HERC4: variants seen among roughly 807,000 people sequenced by gnomAD.
HERC4 encodes HECT and RLD domain containing E3 ubiquitin protein ligase 4.
HERC4 carries 28 observed loss-of-function variants against 124.3 expected under a neutral mutation model. That is an observed-to-expected ratio of 0.23 (90% CI 0.17 to 0.31). The LOEUF is 0.31. Among genes scored for constraint, HERC4 ranks in the 10% least tolerant of loss-of-function variants. The probability of loss-of-function intolerance (pLI) is 1.00; values close to 1 mark genes in which losing one functional copy is unlikely to be tolerated. For synonymous variants in HERC4, 407 were observed against 421.5 expected (o/e 0.97, Z 0.42); for missense variants, 713 against 1,229.3 (o/e 0.58, Z 6.28).
chr10:67,942,159 A>G (rs977742852), intron 19 of HERC4, among the ~76,000 whole-genome samples: 3 of 152,186 alleles, frequency 2.0e-5, no homozygotes, highest in Admixed American at 1.3e-4. Context: ...TTAAAGAATA[A>G]ATGTTTTAAA....
chr10:68,051,341 A>ATTT (rs34027809), intron 3 of HERC4, among the ~76,000 whole-genome samples: 33 of 129,970 alleles, frequency 2.5e-4, no homozygotes, highest in South Asian at 4.9e-4. Flanking sequence ...TGTTAACACT[A>ATTT]TTTTTTTTTT....
In HERC4 at chr10:68,059,684, A is replaced by ATTAT. The variant is rs1172044822; in HGVS notation, c.226+13198_226+13199insATAA. Among the ~76,000 whole-genome samples the ATTAT allele has an allele frequency of 9.5e-5, 5 of 52,558 alleles. No homozygotes were observed. In the African/African-American group the frequency reaches 1.0e-3, roughly 11 times the overall value. The allele number at this position is 52,558 out of a possible 152,430, so 34.5% of individuals were successfully genotyped here. A position where few individuals can be genotyped will look rare whatever the true frequency, so the allele number is the denominator to read the frequency against. ...TATTATATATTATATTATATATCAT[A>ATTAT]ATATTATATATTATAATATTATATA... is the stretch of plus-strand genomic sequence containing the variant. On this transcript the variant is annotated intron_variant, in intron 3 of 24. Coordinates refer to ENST00000373700, the MANE Select transcript of HERC4 (RefSeq NM_015601.4).
intron 19 of HERC4, among the ~76,000 whole-genome samples, chr10:67,942,076 C>T (rs2032959542): frequency 6.6e-6 from 1 of 152,122 alleles, no homozygotes; most frequent in Non-Finnish European, 1.5e-5. Flanking sequence ...TACTGACACA[C>T]TGAAAATGTT....
At chr10:67,977,657 T>C (rs1319063298) in intron 15 of HERC4, among the ~76,000 whole-genome samples, 1 of 152,094 alleles carries the variant, frequency 6.6e-6, no homozygotes, top group Non-Finnish European at 1.5e-5. Flanking sequence ...GTAAGTCCCA[T>C]GCCAGGCAGC....
chr10:68,069,330 T>A, intron 3 of HERC4: 1 of 982,188 alleles, frequency 1.0e-6, no homozygotes, highest in Non-Finnish European at 1.2e-6. Flanking sequence ...AAAGTTCTTA[T>A]GAAGAAAAAA....
At chr10:68,033,225 A>G (rs2039299700) in intron 6 of HERC4, among the ~76,000 whole-genome samples, 1 of 150,564 alleles carries the variant, frequency 6.6e-6, no homozygotes, top group Non-Finnish European at 1.5e-5. Context: ...AAAAGCCTGG[A>G]AAAAAAAATG....
chr10:68,025,407 T>A, intron 8 of HERC4, 139 bp downstream of exon 8: 2 of 821,940 alleles, frequency 2.4e-6, no homozygotes, highest in Non-Finnish European at 3.7e-6. Context: ...CCTGTTACTA[T>A]GACTCCTCAG....
chr10:67,970,809 A>G (rs906989638), intron 15 of HERC4, among the ~76,000 whole-genome samples: 1 of 152,052 alleles, frequency 6.6e-6, no homozygotes, highest in African/African-American at 2.4e-5. Context: ...TGATCATATT[A>G]GAAATAAAGG....
At chr10:67,963,310 G>A (rs1237736552) in intron 16 of HERC4, among the ~76,000 whole-genome samples, 11 of 152,096 alleles carry the variant, frequency 7.2e-5, no homozygotes, top group Admixed American at 2.6e-4. Context: ...TCCACCTCCC[G>A]GGTTCAAGCC....
intron 24 of HERC4, among the ~76,000 whole-genome samples, chr10:67,924,288 T>A (rs1040140431): frequency 1.3e-5 from 2 of 152,190 alleles, no homozygotes; most frequent in African/African-American, 4.8e-5. Flanking sequence ...TAATAACATG[T>A]ACATTCATGT....
In HERC4 at chr10:68,051,889, G is replaced by A. The variant is rs914551998; in HGVS notation, c.227-7326C>T. ...TCACTATGTTGCCCAGGGTGATCTC[G>A]AACTCGTGAGCTCAAGCAACACGCC... On this transcript the variant is annotated intron_variant, in intron 3 of 24. Transcript: ENST00000373700. 2.1e-5 allele frequency among the ~76,000 whole-genome samples: 3 copies of A among 145,198 alleles called. No homozygotes were observed. In the Admixed American group the frequency reaches 2.1e-4, roughly 10 times the overall value.
At chr10:68,038,735 A>C (rs1346230834) in intron 4 of HERC4, among the ~76,000 whole-genome samples, 1 of 152,158 alleles carries the variant, frequency 6.6e-6, no homozygotes. Context: ...TTTACTCAGG[A>C]AATTTACTCA....
chr10:67,982,041 T>C (rs2035963056), intron 15 of HERC4, among the ~76,000 whole-genome samples: 1 of 152,170 alleles, frequency 6.6e-6, no homozygotes, highest in Admixed American at 6.5e-5. Flanking sequence ...ATACCACCTA[T>C]AGCAATCTAC....
intron 3 of HERC4, among the ~76,000 whole-genome samples, chr10:68,062,387 C>T (rs1382500911): frequency 1.3e-5 from 2 of 152,280 alleles, no homozygotes; most frequent in African/African-American, 2.4e-5. Context: ...TTATTTCCAT[C>T]TGGTTACCAA....
At chr10:68,073,453 G>C (rs2041665769) in intron 2 of HERC4, among the ~76,000 whole-genome samples, 1 of 152,012 alleles carries the variant, frequency 6.6e-6, no homozygotes, top group Non-Finnish European at 1.5e-5. Context: ...TGGTTATCTT[G>C]TGATAGACTA....
intron 19 of HERC4, among the ~76,000 whole-genome samples, chr10:67,953,198 ATTAT>A (rs1241004827): frequency 2.6e-5 from 4 of 152,200 alleles, no homozygotes; most frequent in Non-Finnish European, 5.9e-5. Flanking sequence ...GGCATTTTAT[ATTAT>A]TGTAAAACTA....
chr10:67,949,691 A>G (rs998345245), intron 19 of HERC4, among the ~76,000 whole-genome samples: 2 of 152,322 alleles, frequency 1.3e-5, no homozygotes, highest in Non-Finnish European at 2.9e-5. Flanking sequence ...TACCATATTA[A>G]CAGAATGAAA....
At chr10:67,978,213 A>G (rs1344280194) in intron 15 of HERC4, among the ~76,000 whole-genome samples, 2 of 152,110 alleles carry the variant, frequency 1.3e-5, no homozygotes, top group Non-Finnish European at 2.9e-5. Context: ...GAGATGGAGG[A>G]GCTGAGATTG....
At chr10:67,943,933 A>ACT (rs1564936635) in intron 19 of HERC4, among the ~76,000 whole-genome samples, 10 of 152,214 alleles carry the variant, frequency 6.6e-5, no homozygotes, top group Admixed American at 5.2e-4. Flanking sequence ...CCACAGTAGA[A>ACT]CAGAGCACCA....
Sources: gnomAD v4.1 joint callset for allele counts (sites outside exome capture counted in the v4.1 genomes callset) on GRCh38, gnomAD v4.1.1 for gene constraint, MANE v1.5 for transcripts, NCBI Gene and HGNC (gene_info 2026-07-23, HGNC 2026-07-21) for gene names.